Variants in TLK2 observed in about 807,000 individuals in gnomAD.
TLK2 encodes serine/threonine-protein kinase tousled-like 2.
Under a neutral mutation model 117.3 loss-of-function variants are expected in TLK2, and 6 were observed. That is an observed-to-expected ratio of 0.05 (90% CI 0.03 to 0.10). The LOEUF (loss-of-function observed/expected upper bound fraction) is 0.10. Among genes scored for constraint, TLK2 ranks in the 10% least tolerant of loss-of-function variants. TLK2 has a pLI of 1.00. For synonymous variants in TLK2, 257 were observed against 316.7 expected (o/e 0.81, Z 2.00); for missense variants, 299 against 901.2 (o/e 0.33, Z 8.56).
At chr17:62,581,913 A>G (rs141458835) in intron 15 of TLK2, among the ~76,000 whole-genome samples, 2 of 152,186 alleles carry the variant, frequency 1.3e-5, no homozygotes, top group East Asian at 3.9e-4. Context: ...TCACTTGGGA[A>G]TTGTTGGCTC....
chr17:62,518,327 TAA>T (rs1184010377), intron 2 of TLK2, among the ~76,000 whole-genome samples: 2 of 152,178 alleles, frequency 1.3e-5, no homozygotes, highest in African/African-American at 4.8e-5. Context: ...GTAAAACAAA[TAA>T]GAGGTATAAA....
At chr17:62,541,578 A>G (rs1464420879) in intron 7 of TLK2, among the ~76,000 whole-genome samples, 1 of 152,264 alleles carries the variant, frequency 6.6e-6, no homozygotes, top group Admixed American at 6.5e-5. Context: ...TAAAATTATT[A>G]CATAATTCTA....
At chr17:62,496,506 G>T (rs955092757) in intron 2 of TLK2, among the ~76,000 whole-genome samples, 6 of 152,152 alleles carry the variant, frequency 3.9e-5, no homozygotes, top group South Asian at 2.1e-4. Context: ...TCCATGGAGA[G>T]GAGGAATTTG....
chr17:62,546,406 G>A (rs1234697089), intron 7 of TLK2, among the ~76,000 whole-genome samples: 1 of 113,644 alleles, frequency 8.8e-6, no homozygotes, highest in Non-Finnish European at 1.8e-5. Context: ...TTGTTTTACT[G>A]TTTCTTTGAT....
upstream of TLK2, among the ~76,000 whole-genome samples, chr17:62,474,928 C>T (rs1028734363): frequency 4.0e-5 from 6 of 151,852 alleles, no homozygotes; most frequent in African/African-American, 1.5e-4. Context: ...TCCTAAGAGG[C>T]TGGAACTACA....
chr17:62,515,051 C>A (rs2075464128), intron 2 of TLK2, among the ~76,000 whole-genome samples: 1 of 152,224 alleles, frequency 6.6e-6, no homozygotes, highest in South Asian at 2.1e-4. Context: ...CAACCCCTGG[C>A]AGCTACCATT....
intron 2 of TLK2, among the ~76,000 whole-genome samples, chr17:62,483,205 C>T (rs922279063): frequency 3.3e-5 from 5 of 151,612 alleles, no homozygotes; most frequent in African/African-American, 1.2e-4. Flanking sequence ...ACCCCCGCCT[C>T]CCGTAAGTCA....
At chr17:62,509,593 C>T (rs1247782338) in intron 2 of TLK2, among the ~76,000 whole-genome samples, 3 of 152,272 alleles carry the variant, frequency 2.0e-5, no homozygotes, top group South Asian at 2.1e-4. Context: ...CAAACAAGTT[C>T]GTGTTTAAAA....
At chr17:62,593,597 G>A (rs889465235) in intron 16 of TLK2, among the ~76,000 whole-genome samples, 1 of 151,702 alleles carries the variant, frequency 6.6e-6, no homozygotes, top group Non-Finnish European at 1.5e-5. Context: ...GCTTGCACAG[G>A]GTCAGGACCA....
intron 2 of TLK2, among the ~76,000 whole-genome samples, chr17:62,502,028 A>AT (rs746988825): frequency 3.0e-5 from 4 of 134,246 alleles, no homozygotes; most frequent in Non-Finnish European, 6.4e-5. Flanking sequence ...AAAAAATACC[A>AT]ATTTTTTTTT....
chr17:62,498,075 A>T (rs769969188), intron 2 of TLK2, among the ~76,000 whole-genome samples: 7 of 152,164 alleles, frequency 4.6e-5, no homozygotes, highest in Non-Finnish European at 1.0e-4. Context: ...CTTACTGAAG[A>T]TATGAAGAAC....
In TLK2 at chr17:62,520,852, G is replaced by GCTAT; in HGVS notation, c.153+9_153+12dup. On this transcript the variant is annotated intron_variant, in intron 3 of 21. Transcript: ENST00000346027. ...AGTGATAAAGAAGTAGAGGTAAGAA[G>GCTAT]CTATGTTCATGGCAGGACTTTTCAT... 1 of 1,611,896 alleles carries GCTAT rather than the reference G, an allele frequency of 6.2e-7. No homozygotes were observed.
intron 16 of TLK2, among the ~76,000 whole-genome samples, chr17:62,592,807 G>T (rs2082176212): frequency 6.6e-6 from 1 of 152,216 alleles, no homozygotes; most frequent in African/African-American, 2.4e-5. Context: ...TGTAGAATCA[G>T]TGGGAGCCCT....
upstream of TLK2, among the ~76,000 whole-genome samples, chr17:62,476,333 C>T (rs1375876150): frequency 2.6e-5 from 4 of 151,916 alleles, no homozygotes; most frequent in African/African-American, 7.2e-5. Flanking sequence ...CCTGTAATCA[C>T]AGCACTTTGG....
intron 10 of TLK2, among the ~76,000 whole-genome samples, chr17:62,561,596 T>G (rs2079280677): frequency 6.6e-6 from 1 of 152,228 alleles, no homozygotes; most frequent in South Asian, 2.1e-4. Context: ...TACTGGAGAT[T>G]TATTTTCCTG....
At chr17:62,520,303 G>A (rs1207904680) in intron 2 of TLK2, among the ~76,000 whole-genome samples, 2 of 152,142 alleles carry the variant, frequency 1.3e-5, no homozygotes, top group African/African-American at 4.8e-5. Flanking sequence ...GCCTCTGAGA[G>A]TACTTGCCTG....
chr17:62,606,629 G>A (rs1011333333), intron 20 of TLK2, among the ~76,000 whole-genome samples: 4 of 152,090 alleles, frequency 2.6e-5, no homozygotes, highest in African/African-American at 9.7e-5. Flanking sequence ...AATCTTTATC[G>A]CCAGCCATCC....
intron 15 of TLK2, among the ~76,000 whole-genome samples, chr17:62,580,789 G>A (rs1421089098): frequency 2.6e-5 from 4 of 152,110 alleles, no homozygotes; most frequent in East Asian, 1.9e-4. Context: ...ATTTTTCTAC[G>A]TGTTTCTGGC....
chr17:62,538,493 A>G (rs2077273925), intron 7 of TLK2, among the ~76,000 whole-genome samples: 1 of 152,208 alleles, frequency 6.6e-6, no homozygotes, highest in Non-Finnish European at 1.5e-5. Flanking sequence ...CTGAGTGCCC[A>G]CTGTGTAATG....
Sources: gnomAD v4.1 joint callset for allele counts (sites outside exome capture counted in the v4.1 genomes callset) on GRCh38, gnomAD v4.1.1 for gene constraint, MANE v1.5 for transcripts, NCBI Gene and HGNC (gene_info 2026-07-23, HGNC 2026-07-21) for gene names.